The following ZGPAT variants were observed in gnomAD, a reference collection of about 807,000 sequenced individuals.
The protein encoded by ZGPAT is zinc finger CCCH-type with G patch domain-containing protein.
ZGPAT carries 39 observed loss-of-function variants against 47.9 expected under a neutral mutation model. The ratio of observed to expected loss-of-function variants is 0.81; its 90% CI spans 0.63 to 1.06. The LOEUF is 1.06. Ranked by LOEUF, ZGPAT falls within the 50% of genes least tolerant of loss-of-function variation. ZGPAT has a pLI of 0.00. For synonymous variants in ZGPAT, 348 were observed against 292.9 expected, an observed-to-expected ratio of 1.19 and a Z score of -1.92; for missense variants, 717 against 681.4, an observed-to-expected ratio of 1.05 and a Z score of -0.58.
rs2091612102 is a variant in ZGPAT at position 63,708,856 on chromosome 20, A to T, written c.276A>T (p.Ala92=). 1.2e-6 allele frequency: 2 copies of T among 1,607,628 alleles called. No individual in the cohort carries two copies. Among genetic ancestry groups the T allele is most frequent in the Non-Finnish European group, 1.7e-6 (2 of 1,176,744 alleles). Residue 92 remains alanine, a synonymous_variant, in exon 2 of 7, where the codon GCA becomes GCT. Transcript: ENST00000355969. The part of the protein sequence containing the change: ...FREAITEAVE[A]PAAARGSGSE... The stretch of plus-strand genomic sequence containing the variant: ...AGGCCATCACTGAGGCGGTGGAGGC[A>T]CCAGCAGCGGCCCGTGGGTCCGGAT...
chr20:63,708,636 A>C lies in ZGPAT; in HGVS notation c.56A>C (p.Gln19Pro). The part of the protein sequence containing the change: ...ALQTYRAQLQ[Q>P]VELALGAGLD... ...CAGACCTACCGTGCGCAGCTGCAGC[A>C]GGTGGAGCTGGCCTTGGGCGCCGGC... is the stretch of plus-strand genomic sequence containing the variant. The change falls in exon 2 of 7, where the codon CAG becomes CCG. Residue 19 changes from glutamine (Q) to proline (P), a missense_variant. Physicochemically the swap from Gln to Pro is moderately conservative, Grantham distance 76. Transcript: ENST00000355969. The C allele has an allele frequency of 6.2e-7, 1 of 1,612,088 alleles. No homozygotes were observed. Among genetic ancestry groups the C allele is most frequent in the Non-Finnish European group, 8.5e-7 (1 of 1,179,464 alleles).
intron 2 of ZGPAT, among the ~76,000 whole-genome samples, chr20:63,711,302 G>A (rs2750480): frequency 0.19 from 29,066 of 152,130 alleles, 3,756 homozygotes; most frequent in East Asian, 0.62. Context: ...CTCCCTCTGG[G>A]CCAGGCACTG....
At chr20:63,729,034 C>CTT (rs1054928363) in intron 2 of ZGPAT, among the ~76,000 whole-genome samples, 72 of 139,546 alleles carry the variant, frequency 5.2e-4, no homozygotes, top group East Asian at 1.8e-3. Context: ...TTCTTTTTTT[C>CTT]TTTTTTTTTT....
chr20:63,717,652 C>G (rs2091744887), intron 2 of ZGPAT, among the ~76,000 whole-genome samples: 1 of 152,138 alleles, frequency 6.6e-6, no homozygotes, highest in South Asian at 2.1e-4. Context: ...AGCTCTGTAG[C>G]CTTGAGCTCC....
intron 2 of ZGPAT, among the ~76,000 whole-genome samples, chr20:63,723,748 A>G (rs2091815009): frequency 1.3e-5 from 2 of 152,358 alleles, no homozygotes; most frequent in South Asian, 4.1e-4. Flanking sequence ...TCAGCTCTTC[A>G]GCGTTATAAT....
At chr20:63,732,944 GTA>G (rs957174666) in intron 2 of ZGPAT, among the ~76,000 whole-genome samples, 8 of 151,806 alleles carry the variant, frequency 5.3e-5, no homozygotes, top group African/African-American at 1.5e-4. Flanking sequence ...GCACAAGTGT[GTA>G]TATATGTGTA....
At chr20:63,715,430 G>A (rs1316634174) in intron 2 of ZGPAT, among the ~76,000 whole-genome samples, 1 of 151,802 alleles carries the variant, frequency 6.6e-6, no homozygotes, top group Non-Finnish European at 1.5e-5. Context: ...TAGTTGAGAC[G>A]GTGTTTTGCC....
chr20:63,732,884 GTA>G (rs1219297922), intron 2 of ZGPAT, among the ~76,000 whole-genome samples: 2 of 151,968 alleles, frequency 1.3e-5, no homozygotes, highest in South Asian at 2.1e-4. Context: ...GCGTATGCGT[GTA>G]TGTGTACGTG....
At chr20:63,732,271 A>G (rs1258454045) in intron 2 of ZGPAT, among the ~76,000 whole-genome samples, 1 of 129,704 alleles carries the variant, frequency 7.7e-6, no homozygotes, top group Non-Finnish European at 1.6e-5. Flanking sequence ...GAGAGGTCGC[A>G]TGTGTGTGGG....
intron 2 of ZGPAT, among the ~76,000 whole-genome samples, chr20:63,725,160 A>G (rs1239039624): frequency 6.6e-6 from 1 of 151,512 alleles, no homozygotes; most frequent in Non-Finnish European, 1.5e-5. Flanking sequence ...AATTTTTTGT[A>G]TTTTTAGGAG....
At chr20:63,715,617 A>G (rs192144050) in intron 2 of ZGPAT, among the ~76,000 whole-genome samples, 10 of 152,184 alleles carry the variant, frequency 6.6e-5, no homozygotes, top group Non-Finnish European at 1.3e-4. Context: ...TGTTTTGTTG[A>G]GAATATTTGC....
intron 2 of ZGPAT, among the ~76,000 whole-genome samples, chr20:63,713,384 C>T (rs2091691008): frequency 6.6e-6 from 1 of 151,980 alleles, no homozygotes; most frequent in Non-Finnish European, 1.5e-5. Flanking sequence ...GTGCCTGCCA[C>T]CACGCCCAGC....
chr20:63,714,026 T>C (rs2091700040), intron 2 of ZGPAT, among the ~76,000 whole-genome samples: 1 of 152,138 alleles, frequency 6.6e-6, no homozygotes, highest in African/African-American at 2.4e-5. Flanking sequence ...TTAATATATA[T>C]GTGAATAGAG....
At chr20:63,730,756 A>G (rs1437922455) in intron 2 of ZGPAT, among the ~76,000 whole-genome samples, 1 of 152,180 alleles carries the variant, frequency 6.6e-6, no homozygotes, top group Non-Finnish European at 1.5e-5. Context: ...TGCTGGGATT[A>G]CAGGCGTGAG....
In ZGPAT at chr20:63,736,044, C is replaced by G; in HGVS notation, c.*125C>G. ...GCGTGCAGACACTGCTGAGTGGAGA[C>G]AGAGCTGCGGGGTCCCATCTGGACA... is the stretch of plus-strand genomic sequence containing the variant. On this transcript the variant is annotated 3_prime_UTR_variant, in exon 7 of 7. Transcript: ENST00000355969. 7.2e-7 allele frequency: 1 copy of G among 1,385,190 alleles called. No individual in the cohort carries two copies. Among genetic ancestry groups the G allele is most frequent in the Admixed American group, 2.6e-5 (1 of 38,382 alleles). The allele number at this position is 1,385,190 out of a possible 1,614,324, so 85.8% of individuals were successfully genotyped here. A position where few individuals can be genotyped will look rare whatever the true frequency, so the allele number is the denominator to read the frequency against.
At chr20:63,710,222 C>G (rs561637743) in intron 2 of ZGPAT, among the ~76,000 whole-genome samples, 85 of 150,132 alleles carry the variant, frequency 5.7e-4, no homozygotes, top group African/African-American at 2.0e-3. Context: ...GGCGCAATCT[C>G]AGCTTACCGC....
intron 2 of ZGPAT, among the ~76,000 whole-genome samples, chr20:63,723,336 CACA>C (rs2091809058): frequency 8.0e-6 from 1 of 125,456 alleles, no homozygotes; most frequent in African/African-American, 3.1e-5. Context: ...TCTCCTATGA[CACA>C]GCTCCATCCT....
intron 2 of ZGPAT, among the ~76,000 whole-genome samples, chr20:63,727,161 TC>T (rs2091853459): frequency 6.6e-6 from 1 of 152,068 alleles, no homozygotes; most frequent in Non-Finnish European, 1.5e-5. Flanking sequence ...CATCCTGCCC[TC>T]CCCACTACAT....
rs2091973015 is a variant in ZGPAT, at chr20:63,735,322, T to G, written c.1155T>G (p.Pro385=). ...PPRCRGRGAR[P]GGRPAPRNVF... ...GGTGCCGGGGAAGAGGGGCCAGGCC[T>G]GGGGGCCGCCCAGCTCCTCGGAATG... is the stretch of plus-strand genomic sequence containing the variant. The change falls in exon 6 of 7, where the codon CCT becomes CCG. Residue 385 remains proline, a synonymous_variant. Coordinates refer to ENST00000355969, the MANE Select transcript of ZGPAT (RefSeq NM_181485.3). The G allele has an allele frequency of 6.3e-7, 1 of 1,581,272 alleles. No individual in the cohort carries two copies. The highest frequency in any genetic ancestry group is 8.6e-7 in the Non-Finnish European group (1 of 1,165,618).
Sources: allele counts gnomAD v4.1 joint callset (sites outside exome capture counted in the v4.1 genomes callset), GRCh38; gene constraint gnomAD v4.1.1; transcripts MANE v1.5; gene names NCBI Gene and HGNC (gene_info 2026-07-23, HGNC 2026-07-21).